The following PCDHGA5 variants were observed in gnomAD, a reference collection of about 807,000 sequenced individuals.
The protein encoded by PCDHGA5 is protocadherin gamma-A5.
In PCDHGA5, 36 loss-of-function variants were observed where a neutral mutation model predicts 56.7. The ratio of observed to expected loss-of-function variants is 0.64; its 90% CI spans 0.49 to 0.84. The LOEUF is 0.84. PCDHGA5 is among the 40% of genes least tolerant of loss of function. PCDHGA5 has a pLI of 0.00. For synonymous variants in PCDHGA5, 563 were observed against 520.2 expected (o/e 1.08, Z -1.12); for missense variants, 1,305 against 1,201.5 (o/e 1.09, Z -1.27).
In PCDHGA5 at chr5:141,432,006, C is replaced by T. The variant is rs138689793; in HGVS notation, c.2422-62801C>T. Reference sequence around the variant, plus strand: ...ATAGTCTTGGATAGGGAACAGGTTCCTAGCTACAACATCACAGTGACCGCC... The same window carrying T: ...ATAGTCTTGGATAGGGAACAGGTTCTTAGCTACAACATCACAGTGACCGCC... On this transcript the variant is annotated intron_variant, in intron 1 of 3. Transcript: ENST00000518069. This position sits in a 1 kb window ranked among gnomAD's most constrained non-coding sequence, Gnocchi z 6.0. The T allele has an allele frequency of 2.6e-4, 412 of 1,614,186 alleles. 2 individuals carry two copies. The African/African-American group carries it at 4.6e-3, about 18-fold the overall frequency.
At chr5:141,374,363 G>T (rs1770422956) in intron 1 of PCDHGA5, 2 of 1,613,916 alleles carry the variant, frequency 1.2e-6, no homozygotes, top group African/African-American at 2.7e-5. Flanking sequence ...AGACCGCGAG[G>T]AGCTCTGTGC....
intron 1 of PCDHGA5, among the ~76,000 whole-genome samples, chr5:141,445,490 C>T (rs1181158971): frequency 6.6e-6 from 1 of 152,134 alleles, no homozygotes; most frequent in Non-Finnish European, 1.5e-5. Flanking sequence ...AGTTAATGGG[C>T]CCTATTCTAA....
At chr5:141,394,913 C>G (rs1284631853) in intron 1 of PCDHGA5, 2 of 1,613,780 alleles carry the variant, frequency 1.2e-6, no homozygotes, top group South Asian at 2.2e-5. Flanking sequence ...TGGCTGCCAT[C>G]TCCTGTGTCT....
rs536970079 is a variant in PCDHGA5 at position 141,405,367 on chromosome 5, T to C, written c.2421+38616T>C. The C allele has an allele frequency of 1.9e-5, 30 of 1,613,694 alleles. No homozygotes were observed. In the African/African-American group the frequency reaches 3.2e-4, roughly 17 times the overall value. The stretch of plus-strand genomic sequence containing the variant: ...CCAAGTTTCCTATAGAAGACACCCC[T>C]TTGGTTCCGGTGAGTTCATTTTTTT... On this transcript the variant is annotated intron_variant, in intron 1 of 3. Transcript: ENST00000518069.
At chr5:141,470,025 A>T (rs2099219670) in intron 1 of PCDHGA5, among the ~76,000 whole-genome samples, 1 of 152,156 alleles carries the variant, frequency 6.6e-6, no homozygotes, top group African/African-American at 2.4e-5. Context: ...GCTACTCGGG[A>T]TGCTGAGGCG....
intron 1 of PCDHGA5, chr5:141,410,760 A>G: frequency 8.5e-7 from 1 of 1,177,482 alleles, no homozygotes; most frequent in Non-Finnish European, 1.2e-6. Flanking sequence ...ATGTTTTTTC[A>G]ATTATAGTTT....
chr5:141,414,657 C>T (rs1313928067), intron 1 of PCDHGA5: 1 of 1,614,004 alleles, frequency 6.2e-7, no homozygotes, highest in Admixed American at 1.7e-5. Context: ...TTATTTACTC[C>T]CTGGCTGAAG....
At chr5:141,410,085 C>T (rs533911183) in intron 1 of PCDHGA5, 29 of 1,612,476 alleles carry the variant, frequency 1.8e-5, no homozygotes, top group South Asian at 1.1e-5. Flanking sequence ...GAGGTGCGCA[C>T]GGCTCGAGCC....
At chr5:141,419,600 G>A (rs1304962440) in intron 1 of PCDHGA5, 3 of 1,611,816 alleles carry the variant, frequency 1.9e-6, no homozygotes, top group Non-Finnish European at 2.5e-6. Context: ...AGTGCCGCGG[G>A]CCGCGCAGCC....
chr5:141,445,034 A>T (rs963629240), intron 1 of PCDHGA5, among the ~76,000 whole-genome samples: 4 of 152,156 alleles, frequency 2.6e-5, no homozygotes, highest in Admixed American at 2.0e-4. Context: ...GCTATGTTGT[A>T]TAGTTTTCAG....
Position 141,491,987 on chromosome 5 carries a change from T to A in PCDHGA5, c.2422-2820T>A. The A allele has an allele frequency of 1.4e-6, 1 of 736,922 alleles. No individual in the cohort carries two copies. The highest frequency in any genetic ancestry group is 2.0e-6 in the Non-Finnish European group (1 of 490,378). The allele number at this position is 736,922 out of a possible 1,614,324, so 45.6% of individuals were successfully genotyped here. On this transcript the variant is annotated intron_variant, in intron 1 of 3. Coordinates refer to ENST00000518069, the MANE Select transcript of PCDHGA5 (RefSeq NM_018918.3). The surrounding 1 kb of genome is among the most constrained non-coding windows in gnomAD (Gnocchi z 6.9). ...GCCGGGGCCTCCTTCGAGCTTCCGG[T>A]GAATTTCGGGCGATTTCCGCGGGTG...
chr5:141,451,443 C>A (rs1184838490), intron 1 of PCDHGA5, among the ~76,000 whole-genome samples: 1 of 152,176 alleles, frequency 6.6e-6, no homozygotes, highest in Non-Finnish European at 1.5e-5. Context: ...CAGTTCCTTG[C>A]TGGTTGTTAG....
intron 1 of PCDHGA5, chr5:141,393,237 AT>A: frequency 1.2e-6 from 2 of 1,613,802 alleles, no homozygotes; most frequent in South Asian, 1.1e-5. Flanking sequence ...AGAAGTAAAA[AT>A]TAACGAAATC....
intron 1 of PCDHGA5, 110 bp from the exon 2 acceptor site, chr5:141,494,697 T>C: frequency 6.3e-7 from 1 of 1,590,934 alleles, no homozygotes; most frequent in Non-Finnish European, 8.6e-7. Flanking sequence ...TAGTCCGTTT[T>C]CTTCTCTGTG....
At chr5:141,451,170 A>G (rs960062747) in intron 1 of PCDHGA5, among the ~76,000 whole-genome samples, 8 of 152,148 alleles carry the variant, frequency 5.3e-5, no homozygotes, top group East Asian at 3.9e-4. Flanking sequence ...GTAGTATATT[A>G]TTTAGCCATT....
chr5:141,492,695 A>G (rs925499358), intron 1 of PCDHGA5, among the ~76,000 whole-genome samples: 14 of 152,214 alleles, frequency 9.2e-5, no homozygotes, highest in African/African-American at 3.1e-4. Context: ...CGACCCCTCA[A>G]CCCAGAAGCC....
intron 1 of PCDHGA5, chr5:141,389,914 C>A (rs754458764): frequency 1.2e-6 from 2 of 1,613,956 alleles, no homozygotes; most frequent in African/African-American, 2.7e-5. Flanking sequence ...ACTGACCGCC[C>A]CGACCCCTCT....
rs750164473 is a variant in PCDHGA5 at position 141,432,286 on chromosome 5, C to G, written c.2422-62521C>G. Reference sequence around the variant, plus strand: ...TATCGTCCTACGTGTCCATCAACTCCGACACTGGGGTACTGTATGCGCTGA... The same window carrying G: ...TATCGTCCTACGTGTCCATCAACTCGGACACTGGGGTACTGTATGCGCTGA... On this transcript the variant is annotated intron_variant, in intron 1 of 3. Transcript: ENST00000518069. This position sits in a 1 kb window ranked among gnomAD's most constrained non-coding sequence, Gnocchi z 6.0. The G allele has an allele frequency of 6.2e-7, 1 of 1,614,252 alleles. No homozygotes were observed. The highest frequency in any genetic ancestry group is 1.3e-5 in the African/African-American group (1 of 75,070).
At chr5:141,419,962 G>A in intron 1 of PCDHGA5, 1 of 1,614,092 alleles carries the variant, frequency 6.2e-7, no homozygotes, top group African/African-American at 1.3e-5. Context: ...TGATTTCTGT[G>A]CTCTTTCTCC....
Sources: gnomAD v4.1 joint callset for allele counts (sites outside exome capture counted in the v4.1 genomes callset) on GRCh38, gnomAD v4.1.1 for gene constraint, Gnocchi (gnomAD v3.1) non-coding constraint, MANE v1.5 for transcripts, NCBI Gene and HGNC (gene_info 2026-07-23, HGNC 2026-07-21) for gene names.